Variants in KMT2C observed in about 807,000 individuals in gnomAD.
The protein encoded by KMT2C is lysine methyltransferase 2C, also known as histone-lysine N-methyltransferase 2C.
Under a neutral mutation model 507.9 loss-of-function variants are expected in KMT2C, and 88 were observed. That is an observed-to-expected ratio of 0.17 (90% CI 0.15 to 0.21). The LOEUF is 0.21. KMT2C is among the 10% of genes least tolerant of loss of function. The probability of loss-of-function intolerance (pLI) is 1.00; values close to 1 mark genes in which losing one functional copy is unlikely to be tolerated. For missense variants in KMT2C, 4,954 were observed against 5,957.8 expected, an observed-to-expected ratio of 0.83 and a Z score of 5.55; for synonymous variants, 2,049 against 2,080.8, an observed-to-expected ratio of 0.98 and a Z score of 0.42.
rs576966094 is a variant in KMT2C at position 152,253,182 on chromosome 7, T to C, written c.1300-467A>G. Reference sequence around the variant, plus strand: ...AGGGTATACACCTTTTAAAAAGCTGTTTTCAATGTCTGATGTGGCCTCACA... The same window carrying C: ...AGGGTATACACCTTTTAAAAAGCTGCTTTCAATGTCTGATGTGGCCTCACA... On this transcript the variant is annotated intron_variant, in intron 9 of 58. Coordinates refer to ENST00000262189, the MANE Select transcript of KMT2C (RefSeq NM_170606.3). Among the ~76,000 whole-genome samples, 10 of 152,054 alleles carry C rather than the reference T, an allele frequency of 6.6e-5. No homozygotes were observed. In the East Asian group the frequency reaches 1.2e-3, roughly 18 times the overall value.
chr7:152,216,498 CA>C lies in KMT2C; in HGVS notation c.3712+4024del, dbSNP rs2094586366. Among the ~76,000 whole-genome samples, 4 of 152,152 alleles carry C rather than the reference CA, an allele frequency of 2.6e-5. No homozygotes were observed. The South Asian group carries it at 8.3e-4, about 32-fold the overall frequency. On this transcript the variant is annotated intron_variant, in intron 23 of 58. Transcript: ENST00000262189. ...TGACAACCTCAAGTTGAAAACTGCACAGCTGAAGATCACTTATAGTCAATAA... is the reference window on the plus strand; with the variant it reads ...TGACAACCTCAAGTTGAAAACTGCACGCTGAAGATCACTTATAGTCAATAA...
chr7:152,271,952 G>C (rs1166678278), intron 7 of KMT2C, among the ~76,000 whole-genome samples: 1 of 151,976 alleles, frequency 6.6e-6, no homozygotes, highest in African/African-American at 2.4e-5. Flanking sequence ...CTGCTGAAAA[G>C]GTATGGGGCC....
In KMT2C at chr7:152,165,590, G is replaced by T. The variant is rs1021711601; in HGVS notation, c.9750+1556C>A. On this transcript the variant is annotated intron_variant, in intron 42 of 58. Coordinates refer to ENST00000262189, the MANE Select transcript of KMT2C (RefSeq NM_170606.3). ...CACCTTATTGTTGGTACATTATTGT[G>T]GTAGCTGTGGTTTGAAGATAAGACA... Among the ~76,000 whole-genome samples, 19 of 152,186 alleles carry T rather than the reference G, an allele frequency of 1.2e-4. 1 individual carries two copies. Among genetic ancestry groups the T allele is most frequent in the Non-Finnish European group, 2.8e-4 (19 of 68,032 alleles).
rs1451527840 is a variant in KMT2C, at chr7:152,315,249, A to C, written c.479T>G (p.Ile160Ser). 6.2e-7 allele frequency: 1 copy of C among 1,614,042 alleles called. No individual in the cohort carries two copies. Among genetic ancestry groups the C allele is most frequent in the East Asian group, 2.2e-5 (1 of 44,842 alleles). Residue 160 changes from isoleucine to serine, a missense_variant, in exon 4 of 59, where the codon ATC (isoleucine) becomes AGC (serine). Ile to Ser is a moderately radical substitution (Grantham distance 142, BLOSUM62 -2). This residue lies in a region of KMT2C where 233 missense variants were observed against 263.6 expected (regional missense o/e 0.88). Transcript: ENST00000262189. ...AGAAGGTTGGTTTCTCCATGGCAAG[A>C]TAAATCCAGGCGTTATTCTGAATTG... is the stretch of plus-strand genomic sequence containing the variant. ...LKQFRITPGF[I>S]LPWRNQPSNK... is the part of the protein sequence containing the mutation.
At chr7:152,255,148 T>TATAC (rs2095638172) in intron 9 of KMT2C, among the ~76,000 whole-genome samples, 1 of 125,360 alleles carries the variant, frequency 8.0e-6, no homozygotes, top group Non-Finnish European at 1.7e-5. Flanking sequence ...TATATATACA[T>TATAC]ATATATATAT....
chr7:152,293,917 G>T (rs1271917507), intron 6 of KMT2C, among the ~76,000 whole-genome samples: 1 of 151,920 alleles, frequency 6.6e-6, no homozygotes, highest in Non-Finnish European at 1.5e-5. Context: ...GAGTGCAGTG[G>T]TGCAATCTCA....
intron 6 of KMT2C, among the ~76,000 whole-genome samples, chr7:152,299,513 G>A (rs955933304): frequency 5.9e-5 from 9 of 151,730 alleles, no homozygotes; most frequent in Admixed American, 5.2e-4. Flanking sequence ...AAGTAGCCAG[G>A]TGTGGTGGTG....
intron 23 of KMT2C, among the ~76,000 whole-genome samples, chr7:152,215,381 G>A (rs554566853): frequency 6.7e-4 from 101 of 151,700 alleles, no homozygotes; most frequent in Non-Finnish European, 3.1e-4. Context: ...GGGCGTGGTG[G>A]CAGGTGCCTG....
chr7:152,382,247 T>A (rs2097380726), intron 1 of KMT2C, among the ~76,000 whole-genome samples: 1 of 152,128 alleles, frequency 6.6e-6, no homozygotes, highest in Admixed American at 6.6e-5. Flanking sequence ...CGCATTCAAC[T>A]CAGAATAACA....
chr7:152,142,781 C>T (rs1262110071), intron 55 of KMT2C, among the ~76,000 whole-genome samples: 2 of 152,064 alleles, frequency 1.3e-5, no homozygotes, highest in African/African-American at 2.4e-5. Context: ...GTCAGTTGAT[C>T]GAGAGGGACC....
intron 24 of KMT2C, among the ~76,000 whole-genome samples, chr7:152,206,741 T>C (rs2094319110): frequency 6.6e-6 from 1 of 152,044 alleles, no homozygotes; most frequent in Admixed American, 6.5e-5. Context: ...ATAAGGCAAA[T>C]AAAACTGACA....
In KMT2C at chr7:152,198,948, T is replaced by C. The variant is rs149603470; in HGVS notation, c.4273+331A>G. On this transcript the variant is annotated intron_variant, in intron 27 of 58. Transcript: ENST00000262189. ...TTCTCTGTTTTGAATTTAAGCTGTATGATTAACAAAAATCTATCTTAGATT... is the reference window on the plus strand; with the variant it reads ...TTCTCTGTTTTGAATTTAAGCTGTACGATTAACAAAAATCTATCTTAGATT... 5.2e-3 allele frequency among the ~76,000 whole-genome samples: 798 copies of C among 152,280 alleles called. 4 individuals carry two copies. Among genetic ancestry groups the C allele is most frequent in the Non-Finnish European group, 9.1e-3 (621 of 68,004 alleles).
chr7:152,211,286 A>C (rs1223854387), intron 23 of KMT2C, among the ~76,000 whole-genome samples: 1 of 152,226 alleles, frequency 6.6e-6, no homozygotes, highest in Non-Finnish European at 1.5e-5. Context: ...GGAAGGTAAA[A>C]TAAAGACATT....
rs969807496 is a variant in KMT2C at position 152,232,667 on chromosome 7, T to C, written c.2770-2346A>G. On this transcript the variant is annotated intron_variant, in intron 16 of 58. Transcript: ENST00000262189. ...CCTATAATGCTTTAATTTTTTTTAA[T>C]AGAGAAAATGTATTGATGTGTTACA... Among the ~76,000 whole-genome samples the C allele has an allele frequency of 3.3e-5, 5 of 152,188 alleles. No homozygotes were observed. In the East Asian group the frequency reaches 5.8e-4, roughly 18 times the overall value.
chr7:152,173,096 A>T (rs1288871614), intron 39 of KMT2C, among the ~76,000 whole-genome samples: 1 of 152,196 alleles, frequency 6.6e-6, no homozygotes, highest in African/African-American at 2.4e-5. Context: ...AGTGTTAATA[A>T]ATATTGCTCA....
At chr7:152,347,209 G>T (rs887036168) in intron 2 of KMT2C, among the ~76,000 whole-genome samples, 1 of 152,336 alleles carries the variant, frequency 6.6e-6, no homozygotes, top group Non-Finnish European at 1.5e-5. Flanking sequence ...TATGTCACCT[G>T]TTTACAAGAC....
chr7:152,246,361 G>T (rs2095473383), intron 14 of KMT2C, among the ~76,000 whole-genome samples: 1 of 152,014 alleles, frequency 6.6e-6, no homozygotes, highest in Non-Finnish European at 1.5e-5. Flanking sequence ...GATTATCATC[G>T]GATTTGGGAA....
At chr7:152,232,671 G>GA (rs1327342718) in intron 16 of KMT2C, among the ~76,000 whole-genome samples, 1 of 151,972 alleles carries the variant, frequency 6.6e-6, no homozygotes, top group African/African-American at 2.4e-5. Context: ...TTTTAATAGA[G>GA]AAAATGTATT....
chr7:152,153,667 G>A (rs969072411), intron 48 of KMT2C, among the ~76,000 whole-genome samples: 70 of 151,358 alleles, frequency 4.6e-4, no homozygotes, highest in African/African-American at 1.7e-3. Flanking sequence ...GTTTGAGGCT[G>A]CAGTGAGCTA....
Sources: gnomAD v4.1 joint callset for allele counts (sites outside exome capture counted in the v4.1 genomes callset) on GRCh38, gnomAD v4.1.1 for gene constraint, gnomAD v4.1.1 regional missense constraint, MANE v1.5 for transcripts, NCBI Gene and HGNC (gene_info 2026-07-23, HGNC 2026-07-21) for gene names.